Variants in RBFOX1 observed in about 807,000 individuals in gnomAD.
RBFOX1 encodes RNA binding fox-1 homolog 1.
Under a neutral mutation model 57.7 loss-of-function variants are expected in RBFOX1, and 8 were observed. That is an observed-to-expected ratio of 0.14 (90% confidence interval 0.08 to 0.25). The LOEUF (loss-of-function observed/expected upper bound fraction) is 0.25, where lower values mean the gene tolerates loss of function less well. RBFOX1 is among the 10% of genes least tolerant of loss of function. The probability of loss-of-function intolerance (pLI) is 1.00; values close to 1 mark genes in which losing one functional copy is unlikely to be tolerated. For synonymous variants in RBFOX1, 326 were observed against 222.4 expected (o/e 1.47, Z -4.15); for missense variants, 611 against 548.5 (o/e 1.11, Z -1.14).
At chr16:6,008,545 A>C (rs1313864100) in intron 4 of RBFOX1, among the ~76,000 whole-genome samples, 1 of 152,162 alleles carries the variant, frequency 6.6e-6, no homozygotes, top group Non-Finnish European at 1.5e-5. Flanking sequence ...ATCCAAATCA[A>C]GATTGCGGTT....
At chr16:7,238,008 A>G (rs969527152) in intron 4 of RBFOX1, among the ~76,000 whole-genome samples, 1 of 152,226 alleles carries the variant, frequency 6.6e-6, no homozygotes, top group Admixed American at 6.5e-5. Context: ...TGTCTCAAAA[A>G]AAGAAAAGAG....
intron 3 of RBFOX1, among the ~76,000 whole-genome samples, chr16:6,676,150 A>ATG (rs1568166350): frequency 6.4e-5 from 8 of 125,900 alleles, no homozygotes; most frequent in African/African-American, 1.1e-4. Flanking sequence ...GCGCACACAC[A>ATG]CACACACACA....
At chr16:5,332,269 T>TTATTTTA (rs1180679363) in intron 1 of RBFOX1, among the ~76,000 whole-genome samples, 3 of 152,128 alleles carry the variant, frequency 2.0e-5, no homozygotes, top group African/African-American at 7.2e-5. Context: ...TTATTTTATT[T>TTATTTTA]TATTTTATTT....
intron 3 of RBFOX1, among the ~76,000 whole-genome samples, chr16:6,905,207 C>G (rs112678300): frequency 1.8e-3 from 273 of 151,976 alleles, no homozygotes; most frequent in Non-Finnish European, 3.1e-3. Flanking sequence ...ACACTTGTTC[C>G]TTAGCCCTTT....
intron 1 of RBFOX1, among the ~76,000 whole-genome samples, chr16:6,281,959 C>A (rs763326803): frequency 1.3e-5 from 2 of 152,096 alleles, no homozygotes; most frequent in Admixed American, 6.5e-5. Flanking sequence ...GTACTGCACA[C>A]CAGAGAGACA....
At chr16:6,665,859 AG>A (rs2098729392) in intron 3 of RBFOX1, among the ~76,000 whole-genome samples, 1 of 152,130 alleles carries the variant, frequency 6.6e-6, no homozygotes, top group African/African-American at 2.4e-5. Context: ...GAGAAAAATG[AG>A]GGAAAGAGGT....
chr16:6,888,592 G>A (rs577229043), intron 3 of RBFOX1, among the ~76,000 whole-genome samples: 1 of 152,040 alleles, frequency 6.6e-6, no homozygotes, highest in Non-Finnish European at 1.5e-5. Flanking sequence ...CGTAGGGTTA[G>A]AAGTGCATTT....
chr16:5,990,863 A>G (rs1382899390), intron 4 of RBFOX1, among the ~76,000 whole-genome samples: 1 of 151,986 alleles, frequency 6.6e-6, no homozygotes, highest in Admixed American at 6.6e-5. Context: ...AGTCCCATCT[A>G]CTCGGGAGGC....
At chr16:6,950,896 CTCTT>C (rs56019434) in intron 3 of RBFOX1, among the ~76,000 whole-genome samples, 30,378 of 151,112 alleles carry the variant, frequency 0.2, 3,217 homozygotes, top group South Asian at 0.26. Flanking sequence ...TTTCTTTTCA[CTCTT>C]TCTTTCTTTC....
intron 6 of RBFOX1, among the ~76,000 whole-genome samples, chr16:7,580,224 C>T (rs920401182): frequency 1.3e-5 from 2 of 152,136 alleles, no homozygotes; most frequent in Admixed American, 1.3e-4. Context: ...ATTGATGGTC[C>T]TAAATCCAAT....
intron 3 of RBFOX1, among the ~76,000 whole-genome samples, chr16:5,669,188 A>G (rs1034750538): frequency 4.6e-5 from 7 of 152,048 alleles, no homozygotes; most frequent in African/African-American, 1.4e-4. Flanking sequence ...GGATGCTCTA[A>G]TGATGCCTCG....
chr16:6,817,575 G>A (rs190834633), intron 3 of RBFOX1, among the ~76,000 whole-genome samples: 12 of 150,478 alleles, frequency 8.0e-5, no homozygotes, highest in South Asian at 2.1e-4. Context: ...ATTTGGTGGC[G>A]CATGCGTGTA....
At chr16:6,901,143 G>A (rs2068380457) in intron 3 of RBFOX1, among the ~76,000 whole-genome samples, 1 of 152,102 alleles carries the variant, frequency 6.6e-6, no homozygotes, top group Admixed American at 6.6e-5. Flanking sequence ...CTGTTAGACT[G>A]TCTCTTTCAT....
chr16:7,525,563 C>T (rs2078512492), intron 5 of RBFOX1, among the ~76,000 whole-genome samples: 1 of 152,206 alleles, frequency 6.6e-6, no homozygotes, highest in Non-Finnish European at 1.5e-5. Context: ...CTGACACCCA[C>T]ACCCTTGCCC....
At chr16:6,659,578 G>C (rs1402478784) in intron 3 of RBFOX1, among the ~76,000 whole-genome samples, 1 of 152,120 alleles carries the variant, frequency 6.6e-6, no homozygotes, top group Non-Finnish European at 1.5e-5. Flanking sequence ...TAAGTGACTT[G>C]CCTGAGATCA....
chr16:6,595,709 C>T (rs892523753), intron 2 of RBFOX1, among the ~76,000 whole-genome samples: 3 of 152,120 alleles, frequency 2.0e-5, no homozygotes, highest in African/African-American at 4.8e-5. Flanking sequence ...TCCACATCGT[C>T]ACGAATACTT....
intron 14 of RBFOX1, among the ~76,000 whole-genome samples, chr16:7,701,983 A>G (rs1198479840): frequency 6.6e-6 from 1 of 152,198 alleles, no homozygotes; most frequent in Admixed American, 6.5e-5. Context: ...TCTGTAGGGC[A>G]GAGGTGGGGT....
At chr16:7,143,097 C>T (rs768977503) in intron 4 of RBFOX1, among the ~76,000 whole-genome samples, 7 of 152,048 alleles carry the variant, frequency 4.6e-5, no homozygotes, top group Non-Finnish European at 8.8e-5. Context: ...TAGCATTTGA[C>T]ATTTGCAAAA....
chr16:5,608,822 G>A (rs574905575), intron 3 of RBFOX1, among the ~76,000 whole-genome samples: 41 of 152,254 alleles, frequency 2.7e-4, no homozygotes, highest in African/African-American at 9.1e-4. Context: ...CCAGATCATT[G>A]GTTTCACAAA....
Sources: allele counts gnomAD v4.1 joint callset (sites outside exome capture counted in the v4.1 genomes callset), GRCh38; gene constraint gnomAD v4.1.1; transcripts MANE v1.5; gene names NCBI Gene and HGNC (gene_info 2026-07-23, HGNC 2026-07-21).